Variants in STK32B observed in about 807,000 individuals in gnomAD.
The protein encoded by STK32B is serine/threonine kinase 32B.
A neutral mutation model predicts 52.6 loss-of-function variants in STK32B; 43 were observed. The ratio of observed to expected loss-of-function variants is 0.82; its 90% confidence interval spans 0.64 to 1.05. The LOEUF is 1.05. Among genes scored for constraint, STK32B ranks in the 50% least tolerant of loss-of-function variants. STK32B has a pLI of 0.00. For synonymous variants in STK32B, 238 were observed against 204.3 expected (o/e 1.17, Z -1.41); for missense variants, 621 against 534.6 (o/e 1.16, Z -1.59).
the STK32B span, chr4:5,019,591 C>CGGGCAG: frequency 1.2e-6 from 1 of 809,486 alleles, no homozygotes. Context: ...GCACGCCCAC[C>CGGGCAG]GGGCAGGGTC....
chr4:5,110,637 A>G (rs531915887), intron 1 of STK32B, among the ~76,000 whole-genome samples: 1 of 152,278 alleles, frequency 6.6e-6, no homozygotes, highest in Admixed American at 6.5e-5. Flanking sequence ...TAAATGTAAG[A>G]CCTGAAACTA....
intron 7 of STK32B, among the ~76,000 whole-genome samples, chr4:5,455,307 G>C (rs1392550381): frequency 6.6e-6 from 1 of 152,218 alleles, no homozygotes; most frequent in Admixed American, 6.5e-5. Flanking sequence ...AAGTGCCGCA[G>C]TGTTACCCAC....
intron 3 of STK32B, among the ~76,000 whole-genome samples, chr4:5,271,930 T>C (rs1372398877): frequency 6.8e-6 from 1 of 147,616 alleles, no homozygotes; most frequent in Non-Finnish European, 1.5e-5. Flanking sequence ...TTTCTAGATA[T>C]ACAATCATGT....
At chr4:5,338,839 T>C (rs1001278985) in intron 4 of STK32B, among the ~76,000 whole-genome samples, 1 of 152,188 alleles carries the variant, frequency 6.6e-6, no homozygotes, top group Non-Finnish European at 1.5e-5. Context: ...TAGGCAAATG[T>C]GTGATGATTA....
intron 5 of STK32B, among the ~76,000 whole-genome samples, chr4:5,412,973 C>G (rs150014185): frequency 6.6e-6 from 1 of 152,114 alleles, no homozygotes; most frequent in Non-Finnish European, 1.5e-5. Context: ...TCCTTTCCTA[C>G]TCCTTCCCTT....
chr4:5,220,040 G>A (rs917412881), intron 3 of STK32B, among the ~76,000 whole-genome samples: 1 of 152,126 alleles, frequency 6.6e-6, no homozygotes, highest in Non-Finnish European at 1.5e-5. Flanking sequence ...CAATTTTATT[G>A]TACACACTAA....
rs545550004 is a variant in STK32B at position 5,313,569 on chromosome 4, C to A, written c.261-17651C>A. On this transcript the variant is annotated intron_variant, in intron 3 of 11. Coordinates refer to ENST00000282908, the MANE Select transcript of STK32B (RefSeq NM_018401.3). ...TAGAAAAGAGAAAATAGAACTGTCT[C>A]TATTTTCAGATGGCATAGTTATTTA... is the stretch of plus-strand genomic sequence containing the variant. 1.8e-3 allele frequency among the ~76,000 whole-genome samples: 266 copies of A among 151,858 alleles called. 1 individual carries two copies. The highest frequency in any genetic ancestry group is 5.2e-3 in the South Asian group (25 of 4,820).
chr4:5,340,130 C>T (rs991866502), intron 4 of STK32B, among the ~76,000 whole-genome samples: 1 of 152,200 alleles, frequency 6.6e-6, no homozygotes, highest in East Asian at 1.9e-4. Context: ...ATACTTTAAA[C>T]GCCCATCTGG....
intron 4 of STK32B, among the ~76,000 whole-genome samples, chr4:5,347,674 G>T (rs1232212408): frequency 1.3e-5 from 2 of 152,164 alleles, no homozygotes; most frequent in African/African-American, 4.8e-5. Context: ...CAAAGAAGGG[G>T]CCTGGTGGGA....
intron 6 of STK32B, among the ~76,000 whole-genome samples, chr4:5,421,519 C>T (rs1712647358): frequency 6.6e-6 from 1 of 152,240 alleles, no homozygotes; most frequent in East Asian, 1.9e-4. Context: ...GCCACCACAC[C>T]TGGCCAAGTT....
chr4:5,083,468 C>T (rs924040310), intron 1 of STK32B, among the ~76,000 whole-genome samples: 3 of 152,180 alleles, frequency 2.0e-5, no homozygotes, highest in Non-Finnish European at 4.4e-5. Context: ...GAATGTGTCA[C>T]TTGTTTATAA....
chr4:5,361,068 C>G (rs1156371543), intron 4 of STK32B, among the ~76,000 whole-genome samples: 1 of 152,194 alleles, frequency 6.6e-6, no homozygotes, highest in Non-Finnish European at 1.5e-5. Context: ...TAAGTAGAAT[C>G]ATACAGTCTT....
At chr4:5,188,191 G>C (rs1056222604) in intron 3 of STK32B, among the ~76,000 whole-genome samples, 3 of 152,220 alleles carry the variant, frequency 2.0e-5, no homozygotes, top group African/African-American at 7.2e-5. Flanking sequence ...TTCATCACGT[G>C]CATGAAATTG....
chr4:5,253,775 A>T (rs1462391301), intron 3 of STK32B, among the ~76,000 whole-genome samples: 1 of 152,202 alleles, frequency 6.6e-6, no homozygotes, highest in East Asian at 1.9e-4. Flanking sequence ...AACATCTAAG[A>T]TGGTGAATTT....
chr4:5,238,039 G>A (rs984243562), intron 3 of STK32B, among the ~76,000 whole-genome samples: 1 of 152,096 alleles, frequency 6.6e-6, no homozygotes, highest in Non-Finnish European at 1.5e-5. Flanking sequence ...TTGCTCTTAC[G>A]CTCACATTCT....
chr4:5,472,798 A>G (rs914828172), intron 11 of STK32B, among the ~76,000 whole-genome samples: 3 of 152,140 alleles, frequency 2.0e-5, no homozygotes, highest in African/African-American at 7.2e-5. Flanking sequence ...ACTAATAACA[A>G]TCATCATTTG....
chr4:5,489,228 T>C (rs1346781650), intron 11 of STK32B, among the ~76,000 whole-genome samples: 1 of 152,220 alleles, frequency 6.6e-6, no homozygotes, highest in Non-Finnish European at 1.5e-5. Context: ...TAATTTTTAA[T>C]AGCTTACCTA....
At chr4:5,050,822 G>A (rs1741737377), upstream of STK32B, among the ~76,000 whole-genome samples, 1 of 152,150 alleles carries the variant, frequency 6.6e-6, no homozygotes, top group Admixed American at 6.5e-5. Context: ...CGCCGCAGGA[G>A]CCCAGGGACC....
At chr4:5,156,421 A>G (rs996761260) in intron 2 of STK32B, among the ~76,000 whole-genome samples, 5 of 152,138 alleles carry the variant, frequency 3.3e-5, no homozygotes, top group African/African-American at 7.2e-5. Flanking sequence ...TCTGCATGCA[A>G]ATTTACTTCG....
Sources: gnomAD v4.1 joint callset for allele counts (sites outside exome capture counted in the v4.1 genomes callset) on GRCh38, gnomAD v4.1.1 for gene constraint, MANE v1.5 for transcripts, NCBI Gene and HGNC (gene_info 2026-07-23, HGNC 2026-07-21) for gene names.